Variants in TTYH2 observed in about 807,000 individuals in gnomAD.
TTYH2 encodes the protein tweety family member 2.
In TTYH2, 49 loss-of-function variants were observed where a neutral mutation model predicts 68.3. The ratio of observed to expected loss-of-function variants is 0.72; its 90% CI spans 0.57 to 0.91. The LOEUF (loss-of-function observed/expected upper bound fraction) is 0.91, where lower values mean the gene tolerates loss of function less well. Ranked by LOEUF, TTYH2 falls within the 40% of genes least tolerant of loss-of-function variation. The pLI is 0.00. For synonymous variants in TTYH2, 272 were observed against 300.8 expected (o/e 0.90, Z 0.99); for missense variants, 631 against 700.4 (o/e 0.90, Z 1.12).
At chr17:74,235,618 G>C (rs943541414) in intron 3 of TTYH2, among the ~76,000 whole-genome samples, 3 of 152,210 alleles carry the variant, frequency 2.0e-5, no homozygotes, top group Non-Finnish European at 4.4e-5. Context: ...GGCCGGGCGT[G>C]GTGGCTCATG....
intron 4 of TTYH2, among the ~76,000 whole-genome samples, chr17:74,242,022 G>T (rs2050507490): frequency 6.6e-6 from 1 of 152,256 alleles, no homozygotes; most frequent in Non-Finnish European, 1.5e-5. Flanking sequence ...GAAGTCCTTG[G>T]CTGCCTTGCC....
chr17:74,235,101 C>T (rs550831928), intron 3 of TTYH2, among the ~76,000 whole-genome samples: 94 of 152,252 alleles, frequency 6.2e-4, no homozygotes, highest in African/African-American at 2.1e-3. Context: ...CGGAACAAGC[C>T]GCTGACACTG....
At chr17:74,224,276 T>C (rs2050307832) in intron 2 of TTYH2, among the ~76,000 whole-genome samples, 1 of 152,086 alleles carries the variant, frequency 6.6e-6, no homozygotes, top group Non-Finnish European at 1.5e-5. Context: ...TAGTGCATGC[T>C]TGTAGTCCTG....
intron 2 of TTYH2, among the ~76,000 whole-genome samples, chr17:74,229,869 G>A (rs375297780): frequency 3.3e-5 from 5 of 152,330 alleles, no homozygotes; most frequent in Non-Finnish European, 5.9e-5. Context: ...AGTGGCTCAC[G>A]CCTGTAATCC....
intron 4 of TTYH2, among the ~76,000 whole-genome samples, chr17:74,237,981 G>A (rs2050460858): frequency 6.6e-6 from 1 of 152,154 alleles, no homozygotes; most frequent in African/African-American, 2.4e-5. Context: ...AGAACATGGG[G>A]GCTTACAGGG....
chr17:74,223,455 A>T (rs889179826), intron 2 of TTYH2, among the ~76,000 whole-genome samples: 1 of 152,032 alleles, frequency 6.6e-6, no homozygotes, highest in Non-Finnish European at 1.5e-5. Context: ...CTGGTCTTCA[A>T]CTTCTGGCCT....
intron 9 of TTYH2, 71 bp downstream of exon 9, chr17:74,250,099 A>T: frequency 6.4e-7 from 1 of 1,556,236 alleles, no homozygotes; most frequent in Non-Finnish European, 8.8e-7. Flanking sequence ...CCCCGGCCCC[A>T]GGGCCAGGCT....
chr17:74,260,255 A>G lies in TTYH2; in HGVS notation c.*46A>G. 1 of 1,574,692 alleles carries G rather than the reference A, an allele frequency of 6.4e-7. No individual in the cohort carries two copies. Among genetic ancestry groups the G allele is most frequent in the Non-Finnish European group, 8.7e-7 (1 of 1,145,582 alleles). ...CCTCCTTTTTCCGTTCTGGTTTTTA[A>G]TTAGTGCAAATACAAGCTGCGTTTC... On this transcript the variant is annotated 3_prime_UTR_variant, in exon 14 of 14. Transcript: ENST00000269346.
chr17:74,244,133 G>T, intron 6 of TTYH2, 84 bp downstream of exon 6: 1 of 1,326,608 alleles, frequency 7.5e-7, no homozygotes, highest in Non-Finnish European at 1.1e-6. Flanking sequence ...GCCAGCTTCC[G>T]GTCCCAGCTC....
At chr17:74,246,826 C>T (rs967971973) in intron 6 of TTYH2, among the ~76,000 whole-genome samples, 5 of 152,152 alleles carry the variant, frequency 3.3e-5, no homozygotes, top group African/African-American at 7.2e-5. Flanking sequence ...GAGCAAGTCA[C>T]GTCTTACATG....
At chr17:74,256,581 C>T (rs891268056) in intron 13 of TTYH2, among the ~76,000 whole-genome samples, 7 of 152,188 alleles carry the variant, frequency 4.6e-5, no homozygotes, top group South Asian at 2.1e-4. Context: ...AGCCTCATGT[C>T]GTTCTTTCTT....
chr17:74,222,954 GTC>G lies in TTYH2; in HGVS notation c.302+301_302+302del, dbSNP rs1166685421. Reference sequence around the variant, plus strand: ...TCTGCACCGACACTGGGCATCTCCAGTCTCTGTCCCTGGCCCCTGCCAGCTGC... The same window carrying G: ...TCTGCACCGACACTGGGCATCTCCAGTCTGTCCCTGGCCCCTGCCAGCTGC... On this transcript the variant is annotated intron_variant, in intron 2 of 13. Transcript: ENST00000269346. This position sits in a 1 kb window ranked among gnomAD's most constrained non-coding sequence, Gnocchi z 5.2. 6.6e-6 allele frequency among the ~76,000 whole-genome samples: 1 copy of G among 152,162 alleles called. No individual in the cohort carries two copies. Among genetic ancestry groups the G allele is most frequent in the Non-Finnish European group, 1.5e-5 (1 of 68,032 alleles).
intron 5 of TTYH2, 94 bp downstream of exon 5, chr17:74,243,563 G>T: frequency 7.1e-7 from 1 of 1,401,628 alleles, no homozygotes. Flanking sequence ...AGAGTGTGGG[G>T]AAAATAGCCA....
rs1267329087 is a variant in TTYH2, at chr17:74,213,889, C to T, written c.129+173C>T. 6.6e-6 allele frequency among the ~76,000 whole-genome samples: 1 copy of T among 152,072 alleles called. No homozygotes were observed. The highest frequency in any genetic ancestry group is 1.5e-5 in the Non-Finnish European group (1 of 68,008). The stretch of plus-strand genomic sequence containing the variant: ...TCCCCCACCCTCCCAGGCCCGTGGC[C>T]CGCGTCCCCTCCTGTCTGGGAACCT... On this transcript the variant is annotated intron_variant, in intron 1 of 13. Transcript: ENST00000269346. The surrounding 1 kb of genome is among the most constrained non-coding windows in gnomAD (Gnocchi z 6.1).
chr17:74,238,318 C>T (rs2050464906), intron 4 of TTYH2, among the ~76,000 whole-genome samples: 1 of 152,216 alleles, frequency 6.6e-6, no homozygotes, highest in Non-Finnish European at 1.5e-5. Context: ...CTCTGACCTA[C>T]AAGTCATTGT....
At position 74,261,544 on chromosome 17, in the gene TTYH2, A is replaced by C. The variant is rs1052156747; in HGVS notation, c.*1335A>C. ...TAATGTCCCCCAATACTGCCTGTTG[A>C]GGGACCAGAGTTGGGGTCTTTGGTG... On this transcript the variant is annotated 3_prime_UTR_variant, in exon 14 of 14. Coordinates refer to ENST00000269346, the MANE Select transcript of TTYH2 (RefSeq NM_032646.6). 2 of 152,498 alleles carry C rather than the reference A, an allele frequency of 1.3e-5. No homozygotes were observed. The highest frequency in any genetic ancestry group is 1.3e-4 in the Admixed American group (2 of 15,268). The allele number at this position is 152,498 out of a possible 1,614,324, so 9.4% of individuals were successfully genotyped here.
chr17:74,253,991 G>A (rs910486497), intron 13 of TTYH2, among the ~76,000 whole-genome samples, 158 bp downstream of exon 13: 7 of 152,108 alleles, frequency 4.6e-5, no homozygotes, highest in Admixed American at 2.6e-4. Flanking sequence ...CAGGCAGTCC[G>A]CTAAGGAGAT....
rs2050527762 is a variant in TTYH2 at position 74,243,922 on chromosome 17, T to C, written c.732-55T>C. On this transcript the variant is annotated intron_variant, in intron 5 of 13. Transcript: ENST00000269346. Reference sequence around the variant, plus strand: ...TCTGGGGGCAGGGTGGGTGGGGTGATGGCTGAGAGGAAGGGGACCCCGCCT... The same window carrying C: ...TCTGGGGGCAGGGTGGGTGGGGTGACGGCTGAGAGGAAGGGGACCCCGCCT... The C allele has an allele frequency of 3.2e-6, 5 of 1,569,948 alleles. No homozygotes were observed. The Admixed American group carries it at 6.8e-5, about 21-fold the overall frequency.
rs1238552614 is a variant in TTYH2 at position 74,237,293 on chromosome 17, G to A, written c.415-1G>A. ...GGCTTTTGCCCCCTGCTCCTCCCTAGGTTTCCGGAACTACCCAGAAGATGA... is the reference window on the plus strand; with the variant it reads ...GGCTTTTGCCCCCTGCTCCTCCCTAAGTTTCCGGAACTACCCAGAAGATGA... On this transcript the variant is annotated splice_acceptor_variant, in intron 3 of 13. Transcript: ENST00000269346. LOFTEE classifies it high-confidence loss of function. The A allele has an allele frequency of 1.2e-6, 2 of 1,613,832 alleles. No individual in the cohort carries two copies. Among genetic ancestry groups the A allele is most frequent in the African/African-American group, 1.3e-5 (1 of 74,910 alleles).
Sources: allele counts gnomAD v4.1 joint callset (sites outside exome capture counted in the v4.1 genomes callset), GRCh38; gene constraint gnomAD v4.1.1; non-coding constraint Gnocchi (gnomAD v3.1); transcripts MANE v1.5; gene names NCBI Gene and HGNC (gene_info 2026-07-23, HGNC 2026-07-21).